Variants in COLEC10 observed in about 807,000 individuals in gnomAD.
The protein encoded by COLEC10 is collectin-10.
In COLEC10, 22 loss-of-function variants were observed where a neutral mutation model predicts 28.4. That is an observed-to-expected ratio of 0.78 (90% confidence interval 0.55 to 1.11). The LOEUF is 1.11. COLEC10 is among the 50% of genes least tolerant of loss of function. The probability of loss-of-function intolerance (pLI) is 0.00; values close to 1 mark genes in which losing one functional copy is unlikely to be tolerated. For synonymous variants in COLEC10, 125 were observed against 116.1 expected, an observed-to-expected ratio of 1.08 and a Z score of -0.49; for missense variants, 361 against 344.1, an observed-to-expected ratio of 1.05 and a Z score of -0.39.
the COLEC10 span, among the ~76,000 whole-genome samples, chr8:118,984,029 A>G: frequency 6.6e-6 from 1 of 152,072 alleles, no homozygotes; most frequent in African/African-American, 2.4e-5. Flanking sequence ...AAAGACATGC[A>G]TAATGTATTA....
chr8:119,100,716 ATC>A (rs1333016660), intron 3 of COLEC10, among the ~76,000 whole-genome samples: 1 of 152,166 alleles, frequency 6.6e-6, no homozygotes, highest in Non-Finnish European at 1.5e-5. Flanking sequence ...AGACTATGTT[ATC>A]TCTCTGTTCA....
chr8:119,085,599 C>CTTCTTTTTTT (rs1563739053), intron 1 of COLEC10, among the ~76,000 whole-genome samples: 10 of 63,550 alleles, frequency 1.6e-4, no homozygotes, highest in South Asian at 6.2e-4. Context: ...TCTTCTTCTT[C>CTTCTTTTTTT]TTTTTTTTTT....
At chr8:119,014,971 G>A (rs1813965084) in intron 2 of COLEC10, among the ~76,000 whole-genome samples, 1 of 150,838 alleles carries the variant, frequency 6.6e-6, no homozygotes, top group African/African-American at 2.5e-5. Context: ...CTTCCTGTAT[G>A]TTGCTTAGTT....
chr8:119,009,937 C>G (rs1215429751), intron 2 of COLEC10, among the ~76,000 whole-genome samples: 1 of 150,638 alleles, frequency 6.6e-6, no homozygotes, highest in Non-Finnish European at 1.5e-5. Context: ...CGAACTTCTG[C>G]CCCCACATCC....
Position 119,107,420 on chromosome 8 carries a change from C to G in COLEC10, c.*1229C>G, listed in dbSNP as rs921116579. Among the ~76,000 whole-genome samples the G allele has an allele frequency of 6.6e-6, 1 of 152,096 alleles. No individual in the cohort carries two copies. The highest frequency in any genetic ancestry group is 1.5e-5 in the Non-Finnish European group (1 of 68,014). On this transcript the variant is annotated 3_prime_UTR_variant, in exon 6 of 6. Transcript: ENST00000332843. ...ACTTGGAATTTAAAAATAAACAGTTCAAAGATACTCTAGATTATCACCCTA... is the reference window on the plus strand; with the variant it reads ...ACTTGGAATTTAAAAATAAACAGTTGAAAGATACTCTAGATTATCACCCTA...
intron 3 of COLEC10, among the ~76,000 whole-genome samples, chr8:119,100,413 T>C (rs192019338): frequency 6.6e-6 from 1 of 152,362 alleles, no homozygotes; most frequent in African/African-American, 2.4e-5. Context: ...TAGTAAAATG[T>C]ATATTCCCTT....
At chr8:119,053,266 G>A (rs1314710164) in intron 2 of COLEC10, among the ~76,000 whole-genome samples, 1 of 151,990 alleles carries the variant, frequency 6.6e-6, no homozygotes, top group Non-Finnish European at 1.5e-5. Flanking sequence ...GGAAGAGAGG[G>A]TCAAGATGCT....
At chr8:119,083,816 G>GT (rs1815414384) in intron 1 of COLEC10, among the ~76,000 whole-genome samples, 1 of 151,976 alleles carries the variant, frequency 6.6e-6, no homozygotes, top group Admixed American at 6.6e-5. Flanking sequence ...ACGTTAAAAT[G>GT]TAAGTATAAA....
chr8:119,085,622 T>TTTTTTTTTTTTTTTTTTTC (rs1815465719), intron 1 of COLEC10, among the ~76,000 whole-genome samples: 1 of 90,642 alleles, frequency 1.1e-5, no homozygotes, highest in Non-Finnish European at 2.2e-5. Context: ...TTTTTTTTTT[T>TTTTTTTTTTTTTTTTTTTC]GTTGTTGTTG....
chr8:118,961,272 A>T, the COLEC10 span, among the ~76,000 whole-genome samples: 1 of 152,210 alleles, frequency 6.6e-6, no homozygotes, highest in East Asian at 1.9e-4. Context: ...TGTACTCTAG[A>T]TTCTCTCAAA....
At position 119,082,500 on chromosome 8, in the gene COLEC10, G is replaced by C. The variant is rs550894283; in HGVS notation, c.149-7180G>C. On this transcript the variant is annotated intron_variant, in intron 1 of 5. Coordinates refer to ENST00000332843, the MANE Select transcript of COLEC10 (RefSeq NM_006438.5). ...GCTAGGAATACAGTCTATCATCCCTGACCTGTCTTATCACCTATGACACAA... is the reference window on the plus strand; with the variant it reads ...GCTAGGAATACAGTCTATCATCCCTCACCTGTCTTATCACCTATGACACAA... Among the ~76,000 whole-genome samples the C allele has an allele frequency of 6.8e-4, 103 of 152,256 alleles. 2 individuals carry two copies. The South Asian group carries it at 0.018, about 27-fold the overall frequency.
the COLEC10 span, among the ~76,000 whole-genome samples, chr8:118,968,591 A>ATT: frequency 6.6e-6 from 1 of 151,012 alleles, no homozygotes; most frequent in African/African-American, 2.4e-5. Flanking sequence ...ATATGTGTGT[A>ATT]TATATATACG....
At chr8:119,049,886 C>T (rs919172572) in intron 2 of COLEC10, among the ~76,000 whole-genome samples, 8 of 152,224 alleles carry the variant, frequency 5.3e-5, no homozygotes, top group Non-Finnish European at 1.2e-4. Context: ...TCTAAAAATT[C>T]AATTTTCCCT....
chr8:118,997,715 C>T (rs1428765757), intron 1 of COLEC10, among the ~76,000 whole-genome samples: 2 of 152,180 alleles, frequency 1.3e-5, no homozygotes, highest in Non-Finnish European at 2.9e-5. Flanking sequence ...ATAGCTCTTC[C>T]TCCATTATTG....
At chr8:119,067,162 G>C (rs1814981534), upstream of COLEC10, 4 of 981,150 alleles carry the variant, frequency 4.1e-6, no homozygotes, top group Non-Finnish European at 6.1e-6. Context: ...TGTCTCTGTA[G>C]CCCTTTTTGG....
the COLEC10 span, among the ~76,000 whole-genome samples, chr8:118,979,996 G>A: frequency 5.9e-5 from 9 of 152,086 alleles, no homozygotes; most frequent in Admixed American, 1.3e-4. Context: ...TTGCTTCCCC[G>A]GTGTGAGTAA....
upstream of COLEC10, among the ~76,000 whole-genome samples, chr8:119,065,008 T>C (rs554537445): frequency 2.0e-5 from 3 of 152,298 alleles, no homozygotes; most frequent in African/African-American, 7.2e-5. Flanking sequence ...TTCCCTGTAC[T>C]GCTTATGAAA....
At chr8:119,019,784 C>G (rs544912937) in intron 2 of COLEC10, among the ~76,000 whole-genome samples, 1 of 152,188 alleles carries the variant, frequency 6.6e-6, no homozygotes, top group African/African-American at 2.4e-5. Context: ...GATGTACACC[C>G]AGTATCAAGC....
intron 2 of COLEC10, among the ~76,000 whole-genome samples, chr8:119,036,371 A>G (rs1031188921): frequency 8.5e-5 from 13 of 152,308 alleles, no homozygotes; most frequent in African/African-American, 3.1e-4. Flanking sequence ...CATGCCACTC[A>G]GTTGTTTAGA....
Sources: gnomAD v4.1 joint callset for allele counts (sites outside exome capture counted in the v4.1 genomes callset) on GRCh38, gnomAD v4.1.1 for gene constraint, MANE v1.5 for transcripts, NCBI Gene and HGNC (gene_info 2026-07-23, HGNC 2026-07-21) for gene names.